Variants in GPC6 observed in about 807,000 individuals in gnomAD.
GPC6 encodes glypican 6, also known as glypican-6.
Under a neutral mutation model 55.2 loss-of-function variants are expected in GPC6, and 14 were observed. The observed-to-expected ratio is 0.25, with a 90% CI of 0.17 to 0.40. GPC6 has a LOEUF of 0.40. Among genes scored for constraint, GPC6 ranks in the 10% least tolerant of loss-of-function variants. GPC6 has a pLI of 1.00. For missense variants in GPC6, 641 were observed against 708.5 expected, an observed-to-expected ratio of 0.90 and a Z score of 1.08; for synonymous variants, 278 against 259.6, an observed-to-expected ratio of 1.07 and a Z score of -0.68.
intron 2 of GPC6, among the ~76,000 whole-genome samples, chr13:93,551,225 T>C (rs1484651884): frequency 1.3e-5 from 2 of 152,188 alleles, no homozygotes; most frequent in Non-Finnish European, 2.9e-5. Context: ...AATGTTAATG[T>C]ATTGACATTT....
At chr13:94,278,774 C>T (rs1025577352) in intron 4 of GPC6, among the ~76,000 whole-genome samples, 2 of 152,146 alleles carry the variant, frequency 1.3e-5, no homozygotes, top group Non-Finnish European at 2.9e-5. Flanking sequence ...CCTTGCATCC[C>T]AGGGATGAAG....
At position 93,598,764 on chromosome 13, in the gene GPC6, C is replaced by T. The variant is rs188728723; in HGVS notation, c.319+53343C>T. 3.7e-3 allele frequency among the ~76,000 whole-genome samples: 561 copies of T among 152,298 alleles called. 4 individuals are homozygous for T. The highest frequency in any genetic ancestry group is 0.021 in the Admixed American group (328 of 15,296). ...ATATTGCCACTACTGAACTGGCAGC[C>T]AGCCACCCATTTGTATTTTCCTTAA... On this transcript the variant is annotated intron_variant, in intron 2 of 8. Transcript: ENST00000377047.
At chr13:94,054,514 C>T (rs975487738) in intron 4 of GPC6, among the ~76,000 whole-genome samples, 2 of 152,212 alleles carry the variant, frequency 1.3e-5, no homozygotes, top group African/African-American at 2.4e-5. Flanking sequence ...CTGGGCCACA[C>T]TTTGGATAAC....
intron 2 of GPC6, among the ~76,000 whole-genome samples, chr13:93,792,213 G>T (rs967677560): frequency 2.0e-5 from 3 of 152,222 alleles, no homozygotes; most frequent in African/African-American, 7.2e-5. Flanking sequence ...GCGTGTGTTT[G>T]TGCCTCTATC....
intron 1 of GPC6, among the ~76,000 whole-genome samples, chr13:93,426,755 T>A (rs1877144157): frequency 6.6e-6 from 1 of 152,150 alleles, no homozygotes; most frequent in Non-Finnish European, 1.5e-5. Context: ...ATACACCCAG[T>A]AATGGGATGG....
At chr13:93,373,335 T>G (rs1358818411) in intron 1 of GPC6, among the ~76,000 whole-genome samples, 3 of 152,196 alleles carry the variant, frequency 2.0e-5, no homozygotes, top group Non-Finnish European at 4.4e-5. Context: ...ACAACCTCCT[T>G]TCTTCATTCT....
At chr13:94,053,006 G>C (rs770543642) in intron 4 of GPC6, among the ~76,000 whole-genome samples, 20 of 152,084 alleles carry the variant, frequency 1.3e-4, no homozygotes, top group African/African-American at 4.8e-4. Context: ...ATCACCTCCC[G>C]TTTTCTCAAG....
chr13:93,464,743 A>G (rs558115649), intron 1 of GPC6, among the ~76,000 whole-genome samples: 2 of 152,346 alleles, frequency 1.3e-5, no homozygotes, highest in Admixed American at 1.3e-4. Context: ...CTCATGGATC[A>G]CAAATGTTCT....
chr13:94,203,337 A>G (rs9516363), intron 4 of GPC6, among the ~76,000 whole-genome samples: 75,350 of 151,310 alleles, frequency 0.5, 20,502 homozygotes, highest in African/African-American at 0.71. Flanking sequence ...TGAAAATTCC[A>G]AAGAAAAACT....
chr13:93,844,582 C>T (rs1333719346), intron 3 of GPC6, among the ~76,000 whole-genome samples: 4 of 150,704 alleles, frequency 2.7e-5, no homozygotes, highest in Non-Finnish European at 4.4e-5. Context: ...AATTTTCTCC[C>T]ATGTTGTAGG....
chr13:93,356,875 G>T (rs1342155424), intron 1 of GPC6, among the ~76,000 whole-genome samples: 1 of 152,154 alleles, frequency 6.6e-6, no homozygotes, highest in Non-Finnish European at 1.5e-5. Context: ...GTGCAAGGAT[G>T]AAATGTGTAT....
intron 2 of GPC6, among the ~76,000 whole-genome samples, chr13:93,827,537 T>C (rs1887307997): frequency 6.6e-6 from 1 of 152,212 alleles, no homozygotes; most frequent in Non-Finnish European, 1.5e-5. Context: ...GGCTGATACA[T>C]TAGCGTCTTT....
chr13:94,139,088 A>G (rs1264837876), intron 4 of GPC6, among the ~76,000 whole-genome samples: 2 of 151,976 alleles, frequency 1.3e-5, no homozygotes, highest in African/African-American at 4.8e-5. Context: ...TGGGGGAAAA[A>G]AAAAAGCATG....
intron 3 of GPC6, among the ~76,000 whole-genome samples, chr13:93,872,828 A>G (rs1345353904): frequency 1.3e-5 from 2 of 151,992 alleles, no homozygotes; most frequent in Non-Finnish European, 2.9e-5. Context: ...CCACTTAGAA[A>G]TGATTTGTGT....
intron 4 of GPC6, among the ~76,000 whole-genome samples, chr13:94,217,211 G>GTC: frequency 6.6e-6 from 1 of 152,290 alleles, no homozygotes; most frequent in South Asian, 2.1e-4. Context: ...CCCAATGTCA[G>GTC]TAAGTACAGA....
intron 2 of GPC6, among the ~76,000 whole-genome samples, chr13:93,717,188 C>A (rs1883279862): frequency 6.6e-6 from 1 of 151,180 alleles, no homozygotes; most frequent in Non-Finnish European, 1.5e-5. Context: ...ATGCTTAAGA[C>A]CAGAAAAAAA....
intron 2 of GPC6, among the ~76,000 whole-genome samples, chr13:93,771,984 T>C (rs1229207179): frequency 6.6e-6 from 1 of 152,174 alleles, no homozygotes; most frequent in Admixed American, 6.6e-5. Context: ...ACCACAGTTC[T>C]GCTTGGTTCA....
intron 1 of GPC6, among the ~76,000 whole-genome samples, chr13:93,511,184 G>A (rs187529294): frequency 3.1e-3 from 466 of 150,322 alleles, no homozygotes; most frequent in African/African-American, 0.01. Context: ...CTGTGCAGAA[G>A]CATTTTAAAA....
At position 93,563,658 on chromosome 13, in the gene GPC6, AT is replaced by A. The variant is rs1358935062; in HGVS notation, c.319+18238del. The stretch of plus-strand genomic sequence containing the variant: ...AGGTTGCAACTAAAGAGTAGCAAGT[AT>A]AGCATTTGAAAGTAGAAATTCTTGA... On this transcript the variant is annotated intron_variant, in intron 2 of 8. Transcript: ENST00000377047. 1.7e-4 allele frequency among the ~76,000 whole-genome samples: 26 copies of A among 152,180 alleles called. No homozygotes were observed. In the East Asian group the frequency reaches 5.0e-3, roughly 29 times the overall value.
Sources: gnomAD v4.1 joint callset for allele counts (sites outside exome capture counted in the v4.1 genomes callset) on GRCh38, gnomAD v4.1.1 for gene constraint, MANE v1.5 for transcripts, NCBI Gene and HGNC (gene_info 2026-07-23, HGNC 2026-07-21) for gene names.